CADPS: variants seen among roughly 807,000 people sequenced by gnomAD.
CADPS encodes the protein calcium-dependent secretion activator 1.
CADPS carries 57 observed loss-of-function variants against 167.3 expected under a neutral mutation model. The observed-to-expected ratio is 0.34, with a 90% CI of 0.28 to 0.42. The LOEUF is 0.42. CADPS is among the 20% of genes least tolerant of loss of function. CADPS has a pLI of 1.00. For synonymous variants in CADPS, 676 were observed against 635.3 expected (o/e 1.06, Z -0.96); for missense variants, 1,414 against 1,738.1 (o/e 0.81, Z 3.32).
intron 3 of CADPS, among the ~76,000 whole-genome samples, chr3:62,721,498 C>A (rs563421944): frequency 6.6e-6 from 1 of 152,046 alleles, no homozygotes. Context: ...TGGAGACCAC[C>A]GTATCACCGC....
chr3:62,585,093 G>T, intron 8 of CADPS, 92 bp downstream of exon 8: 2 of 1,208,350 alleles, frequency 1.7e-6, no homozygotes, highest in Non-Finnish European at 2.4e-6. Context: ...CTTCTACATA[G>T]TTCTCTGAAG....
chr3:62,643,669 CTA>C (rs1486405216), intron 6 of CADPS, among the ~76,000 whole-genome samples: 1 of 152,186 alleles, frequency 6.6e-6, no homozygotes, highest in Non-Finnish European at 1.5e-5. Context: ...ATGTTACAAA[CTA>C]TGTTTTGAAT....
chr3:62,716,486 G>A (rs518123), intron 3 of CADPS, among the ~76,000 whole-genome samples: 9,942 of 152,268 alleles, frequency 0.065, 366 homozygotes, highest in Middle Eastern at 0.095. Flanking sequence ...AGACCTTTAT[G>A]CAAACTCAGA....
At chr3:62,713,583 G>T (rs773935462) in intron 3 of CADPS, among the ~76,000 whole-genome samples, 2 of 152,208 alleles carry the variant, frequency 1.3e-5, no homozygotes, top group African/African-American at 4.8e-5. Flanking sequence ...GCTATTCTGG[G>T]CATACTGCCT....
At chr3:62,566,790 C>G (rs1055082303) in intron 9 of CADPS, among the ~76,000 whole-genome samples, 1 of 152,126 alleles carries the variant, frequency 6.6e-6, no homozygotes, top group African/African-American at 2.4e-5. Flanking sequence ...AGGGAGAAAT[C>G]TGATTCAGGC....
chr3:62,751,594 T>A (rs2082713867), intron 3 of CADPS, among the ~76,000 whole-genome samples: 1 of 152,112 alleles, frequency 6.6e-6, no homozygotes, highest in Non-Finnish European at 1.5e-5. Flanking sequence ...GGCTAATTTT[T>A]GTATTTTTAG....
At chr3:62,774,123 G>A (rs1340385831) in intron 1 of CADPS, among the ~76,000 whole-genome samples, 4 of 152,030 alleles carry the variant, frequency 2.6e-5, no homozygotes, top group Non-Finnish European at 5.9e-5. Context: ...AAGGTGAGTT[G>A]GGGCTAAAGA....
intron 1 of CADPS, among the ~76,000 whole-genome samples, chr3:62,794,793 A>AAGAAAAAG (rs1553689821): frequency 2.9e-5 from 4 of 136,704 alleles, no homozygotes; most frequent in African/African-American, 1.4e-4. Context: ...AAAAAAAAAA[A>AAGAAAAAG]AAAAAAAAAA....
At chr3:62,518,091 T>C (rs1318572142) in intron 14 of CADPS, 58 bp downstream of exon 14, 18 of 1,184,130 alleles carry the variant, frequency 1.5e-5, no homozygotes, top group Non-Finnish European at 2.1e-5. Context: ...TTAAGTCCTT[T>C]AGTTTTCCCT....
At chr3:62,595,388 G>T (rs1319667784) in intron 6 of CADPS, among the ~76,000 whole-genome samples, 1 of 152,084 alleles carries the variant, frequency 6.6e-6, no homozygotes, top group Non-Finnish European at 1.5e-5. Flanking sequence ...AATGGCAAGG[G>T]TTTTGAACCA....
At chr3:62,863,686 TA>T (rs1183021229) in intron 1 of CADPS, among the ~76,000 whole-genome samples, 1 of 152,242 alleles carries the variant, frequency 6.6e-6, no homozygotes, top group Non-Finnish European at 1.5e-5. Flanking sequence ...GTTTCGATTT[TA>T]TCCTGTGCAG....
intron 22 of CADPS, among the ~76,000 whole-genome samples, chr3:62,479,364 C>A (rs1452082): frequency 0.46 from 70,290 of 152,060 alleles, 18,159 homozygotes; most frequent in East Asian, 0.73. Flanking sequence ...TGTCCTCCCC[C>A]CCACCCACTT....
chr3:62,522,198 G>A (rs767811438), intron 13 of CADPS, among the ~76,000 whole-genome samples: 10 of 151,896 alleles, frequency 6.6e-5, no homozygotes, highest in South Asian at 2.1e-4. Flanking sequence ...GTGCAGTGGC[G>A]CAATCTCTGT....
chr3:62,506,774 A>C (rs2066764048), intron 17 of CADPS, among the ~76,000 whole-genome samples: 2 of 152,202 alleles, frequency 1.3e-5, no homozygotes. Context: ...TGGGGTTAGC[A>C]TGTGACCCAA....
chr3:62,747,408 T>A (rs2081705285), intron 3 of CADPS, among the ~76,000 whole-genome samples: 1 of 152,194 alleles, frequency 6.6e-6, no homozygotes, highest in Non-Finnish European at 1.5e-5. Flanking sequence ...GATTAAGGGC[T>A]CTGTAATGAG....
Position 62,421,228 on chromosome 3 carries a change from T to TCC in CADPS, c.3777+16874_3777+16875dup, listed in dbSNP as rs2051304998. On this transcript the variant is annotated intron_variant, in intron 28 of 29. Transcript: ENST00000383710. The surrounding 1 kb of genome is among the most constrained non-coding windows in gnomAD (Gnocchi z 4.7). ...AATGCTTCTCGTCCACAAGGCTCCC[T>TCC]CCCCCTTCCTCCCCACACCCCCCAC... Among the ~76,000 whole-genome samples, 1 of 150,716 alleles carries TCC rather than the reference T, an allele frequency of 6.6e-6. No homozygotes were observed. The highest frequency in any genetic ancestry group is 2.4e-5 in the African/African-American group (1 of 40,960).
chr3:62,441,187 G>A, intron 27 of CADPS: 1 of 152,290 alleles, frequency 6.6e-6, no homozygotes, highest in Admixed American at 6.5e-5. Flanking sequence ...ACTTTTAGAT[G>A]TTTTTTAATA....
chr3:62,706,514 C>T (rs2082330820), intron 3 of CADPS, among the ~76,000 whole-genome samples: 1 of 152,028 alleles, frequency 6.6e-6, no homozygotes, highest in African/African-American at 2.4e-5. Context: ...GCTTAAACAG[C>T]AGAAATGTAT....
At chr3:62,804,665 G>A (rs1387358964) in intron 1 of CADPS, among the ~76,000 whole-genome samples, 1 of 151,714 alleles carries the variant, frequency 6.6e-6, no homozygotes, top group Non-Finnish European at 1.5e-5. Context: ...GCTCTGTATT[G>A]TGTATTGTTG....
Sources: allele counts gnomAD v4.1 joint callset (sites outside exome capture counted in the v4.1 genomes callset), GRCh38; gene constraint gnomAD v4.1.1; non-coding constraint Gnocchi (gnomAD v3.1); transcripts MANE v1.5; gene names NCBI Gene and HGNC (gene_info 2026-07-23, HGNC 2026-07-21).